Variants in DCAKD observed in about 807,000 individuals in gnomAD.
DCAKD encodes the protein dephospho-CoA kinase domain-containing protein.
Under a neutral mutation model 18.7 loss-of-function variants are expected in DCAKD, and 15 were observed. The observed-to-expected ratio is 0.80, with a 90% CI of 0.54 to 1.24. DCAKD has a LOEUF of 1.24. DCAKD is among the 50% of genes most tolerant of loss of function. The probability of loss-of-function intolerance (pLI) is 0.00; values close to 1 mark genes in which losing one functional copy is unlikely to be tolerated. For missense variants in DCAKD, 301 were observed against 322.0 expected (o/e 0.93, Z 0.50); for synonymous variants, 130 against 133.0 (o/e 0.98, Z 0.16).
intron 1 of DCAKD, among the ~76,000 whole-genome samples, chr17:45,043,948 G>T (rs1645949836): frequency 6.6e-6 from 1 of 152,060 alleles, no homozygotes; most frequent in Non-Finnish European, 1.5e-5. Context: ...CCCGGTGCAT[G>T]AGCGCCACCA....
chr17:45,034,952 G>T lies in DCAKD; in HGVS notation c.-67C>A. Reference sequence around the variant, plus strand: ...AGCTACAGAATCACTGGAGAGCAGGGCAAGTGTGGCCGATGGGGGCGGTCC... The same window carrying T: ...AGCTACAGAATCACTGGAGAGCAGGTCAAGTGTGGCCGATGGGGGCGGTCC... On this transcript the variant is annotated 5_prime_UTR_variant, in exon 2 of 5. Coordinates refer to ENST00000651974, the MANE Select transcript of DCAKD (RefSeq NM_001288655.2). The T allele has an allele frequency of 3.9e-6, 6 of 1,554,574 alleles. No homozygotes were observed. Among genetic ancestry groups the T allele is most frequent in the Non-Finnish European group, 4.4e-6 (5 of 1,134,198 alleles).
intron 3 of DCAKD, chr17:45,031,627 G>A: frequency 1.0e-5 from 10 of 985,300 alleles, no homozygotes; most frequent in Non-Finnish European, 1.2e-5. Flanking sequence ...TCCTCTCCGG[G>A]CCTCTTATCT....
chr17:45,034,700 A>C, intron 2 of DCAKD, 74 bp downstream of exon 2: 1 of 1,480,606 alleles, frequency 6.8e-7, no homozygotes. Context: ...CTTATAAAAA[A>C]AGGAGGCATG....
At chr17:45,045,661 G>C (rs780951368) in intron 1 of DCAKD, among the ~76,000 whole-genome samples, 1 of 151,690 alleles carries the variant, frequency 6.6e-6, no homozygotes, top group Admixed American at 6.6e-5. Flanking sequence ...GAACCCGGGA[G>C]GGGGAGGTTG....
intron 1 of DCAKD, among the ~76,000 whole-genome samples, chr17:45,048,471 C>G (rs1221640037): frequency 6.6e-6 from 1 of 152,152 alleles, no homozygotes; most frequent in African/African-American, 2.4e-5. Flanking sequence ...AACCCCGTCT[C>G]TACTAAAAAT....
At chr17:45,046,368 A>G (rs1381970288) in intron 1 of DCAKD, among the ~76,000 whole-genome samples, 2 of 152,146 alleles carry the variant, frequency 1.3e-5, no homozygotes, top group Non-Finnish European at 2.9e-5. Flanking sequence ...CTGTAATCCC[A>G]GCACTTTGGG....
At chr17:45,041,745 G>A (rs1012819310) in intron 1 of DCAKD, among the ~76,000 whole-genome samples, 1 of 152,074 alleles carries the variant, frequency 6.6e-6, no homozygotes, top group African/African-American at 2.4e-5. Context: ...AGAAGGGGTG[G>A]TGGGGGGAGC....
At chr17:45,047,158 G>C (rs1213566458) in intron 1 of DCAKD, among the ~76,000 whole-genome samples, 3 of 150,002 alleles carry the variant, frequency 2.0e-5, no homozygotes, top group African/African-American at 7.4e-5. Flanking sequence ...TTCAACTCCT[G>C]TGTATTTAAT....
At chr17:45,045,309 C>T (rs1409896311) in intron 1 of DCAKD, among the ~76,000 whole-genome samples, 1 of 152,218 alleles carries the variant, frequency 6.6e-6, no homozygotes, top group African/African-American at 2.4e-5. Context: ...CTTCACAGCG[C>T]TGACCAACGT....
chr17:45,056,189 T>G (rs571069724), upstream of DCAKD, among the ~76,000 whole-genome samples: 2 of 151,456 alleles, frequency 1.3e-5, no homozygotes, highest in African/African-American at 4.8e-5. Flanking sequence ...ATCTCTGACA[T>G]GCTGGAAGTA....
upstream of DCAKD, among the ~76,000 whole-genome samples, chr17:45,055,376 T>G: frequency 6.6e-6 from 1 of 152,114 alleles, no homozygotes; most frequent in Admixed American, 6.6e-5. Flanking sequence ...ATTTATTTAT[T>G]TATTTATTTA....
chr17:45,058,225 G>A (rs1327456847), intron 1 of DCAKD, among the ~76,000 whole-genome samples: 1 of 152,028 alleles, frequency 6.6e-6, no homozygotes, highest in Non-Finnish European at 1.5e-5. Context: ...TGAGGTGGCA[G>A]GATCACTTGA....
intron 1 of DCAKD, among the ~76,000 whole-genome samples, chr17:45,058,798 C>A (rs556783552): frequency 6.6e-6 from 1 of 152,142 alleles, no homozygotes; most frequent in East Asian, 1.9e-4. Context: ...CGTTGAACAG[C>A]AGTCTTAGAC....
chr17:45,030,271 G>A (rs997030068), intron 3 of DCAKD, 92 bp from the exon 4 acceptor site: 41 of 1,136,826 alleles, frequency 3.6e-5, no homozygotes, highest in Non-Finnish European at 5.2e-5. Context: ...AGAGCGCCCA[G>A]CAGAGGGGCA....
intron 4 of DCAKD, among the ~76,000 whole-genome samples, chr17:45,025,565 C>T (rs78558050): frequency 0.015 from 2,292 of 152,188 alleles, 70 homozygotes; most frequent in African/African-American, 0.052. Flanking sequence ...TCCTCTGGAG[C>T]GGGGTTACCT....
intron 3 of DCAKD, 189 bp downstream of exon 3, chr17:45,033,998 G>A: frequency 1.9e-6 from 3 of 1,593,370 alleles, no homozygotes; most frequent in South Asian, 2.2e-5. Flanking sequence ...GCCTCCTTAA[G>A]AGCTGAGGGA....
intron 4 of DCAKD, among the ~76,000 whole-genome samples, chr17:45,028,411 T>TC (rs2053103649): frequency 7.2e-6 from 1 of 138,660 alleles, no homozygotes; most frequent in African/African-American, 2.8e-5. Flanking sequence ...CACCCGGCCT[T>TC]TTTTTTTTTT....
chr17:45,030,686 G>A (rs2053156875), intron 3 of DCAKD, among the ~76,000 whole-genome samples: 1 of 152,262 alleles, frequency 6.6e-6, no homozygotes, highest in Non-Finnish European at 1.5e-5. Context: ...AGAGCCAGGT[G>A]CAGGCCCAGC....
chr17:45,044,560 CA>C (rs1223415153), intron 1 of DCAKD, among the ~76,000 whole-genome samples: 1 of 152,070 alleles, frequency 6.6e-6, no homozygotes, highest in Non-Finnish European at 1.5e-5. Flanking sequence ...GGTGTGGTGG[CA>C]CGTGCCTGTA....
Sources: allele counts gnomAD v4.1 joint callset (sites outside exome capture counted in the v4.1 genomes callset), GRCh38; gene constraint gnomAD v4.1.1; transcripts MANE v1.5; gene names NCBI Gene and HGNC (gene_info 2026-07-23, HGNC 2026-07-21).